RBMS3: variants seen among roughly 807,000 people sequenced by gnomAD.
RBMS3 encodes RNA-binding motif, single-stranded-interacting protein 3.
Under a neutral mutation model 66.8 loss-of-function variants are expected in RBMS3, and 27 were observed. The ratio of observed to expected loss-of-function variants is 0.40; its 90% confidence interval spans 0.30 to 0.56. The LOEUF (loss-of-function observed/expected upper bound fraction) is 0.56. Among genes scored for constraint, RBMS3 ranks in the 20% least tolerant of loss-of-function variants. The pLI, the probability that RBMS3 is intolerant of heterozygous loss-of-function variation, is 0.40. For missense variants in RBMS3, 513 were observed against 549.5 expected, an observed-to-expected ratio of 0.93 and a Z score of 0.66; for synonymous variants, 188 against 183.0, an observed-to-expected ratio of 1.03 and a Z score of -0.22.
At chr3:29,303,898 C>T (rs201865262) in intron 1 of RBMS3, among the ~76,000 whole-genome samples, 1 of 151,964 alleles carries the variant, frequency 6.6e-6, no homozygotes, top group Non-Finnish European at 1.5e-5. Flanking sequence ...GCACTTCTTA[C>T]ATGGCGGTGG....
chr3:29,492,600 G>A (rs2043591246), intron 3 of RBMS3, among the ~76,000 whole-genome samples: 1 of 152,094 alleles, frequency 6.6e-6, no homozygotes, highest in East Asian at 1.9e-4. Flanking sequence ...ATGAAGACTA[G>A]TTGGTTATAA....
intron 2 of RBMS3, among the ~76,000 whole-genome samples, chr3:29,480,108 A>C (rs2043079951): frequency 6.6e-6 from 1 of 152,250 alleles, no homozygotes; most frequent in Non-Finnish European, 1.5e-5. Context: ...TTCAGGACTG[A>C]GGATTGAGGG....
chr3:29,772,188 C>A (rs1026159823), intron 6 of RBMS3, among the ~76,000 whole-genome samples: 1 of 151,960 alleles, frequency 6.6e-6, no homozygotes, highest in Non-Finnish European at 1.5e-5. Flanking sequence ...CCTAGAGCCT[C>A]CAGAAATAAA....
intron 2 of RBMS3, among the ~76,000 whole-genome samples, chr3:29,483,679 T>G (rs2043222246): frequency 6.6e-6 from 1 of 152,192 alleles, no homozygotes; most frequent in Non-Finnish European, 1.5e-5. Flanking sequence ...AATAGAAATT[T>G]GCTAAGTAGT....
rs75414861 is a variant in RBMS3, at chr3:29,666,846, C to T, written c.400-72874C>T. Among the ~76,000 whole-genome samples the T allele has an allele frequency of 8.9e-3, 1,355 of 152,144 alleles. 36 individuals carry two copies. Among genetic ancestry groups the T allele is most frequent in the African/African-American group, 0.031 (1,267 of 41,502 alleles). On this transcript the variant is annotated intron_variant, in intron 4 of 14. Coordinates refer to ENST00000383767, the MANE Select transcript of RBMS3 (RefSeq NM_001003793.3). ...TATACAAATGGGAATGAGCTTATCA[C>T]AGTTGTTAATGAGTAGCCTTCAATT...
chr3:29,507,083 T>C (rs1553613117), intron 3 of RBMS3, among the ~76,000 whole-genome samples: 2 of 150,252 alleles, frequency 1.3e-5, no homozygotes, highest in South Asian at 4.3e-4. Flanking sequence ...TTATTTCTGC[T>C]CTGATCTTTG....
rs142859086 is a variant in RBMS3, at chr3:29,540,296, G to A, written c.308-46818G>A. On this transcript the variant is annotated intron_variant, in intron 3 of 14. Transcript: ENST00000383767. Reference sequence around the variant, plus strand: ...ACTGTATACTTCCCTGATATATTATGACAACAGAATTTTTTATTTTTAAAA... The same window carrying A: ...ACTGTATACTTCCCTGATATATTATAACAACAGAATTTTTTATTTTTAAAA... Among the ~76,000 whole-genome samples, 57 of 152,228 alleles carry A rather than the reference G, an allele frequency of 3.7e-4. 1 individual carries two copies. The highest frequency in any genetic ancestry group is 5.9e-4 in the Admixed American group (9 of 15,292).
intron 3 of RBMS3, among the ~76,000 whole-genome samples, chr3:29,582,964 T>C (rs1389494854): frequency 6.6e-6 from 1 of 152,172 alleles, no homozygotes; most frequent in Non-Finnish European, 1.5e-5. Context: ...ACACATAATT[T>C]GGTGAGATAT....
At chr3:29,982,996 T>C (rs1208688263) in intron 12 of RBMS3, among the ~76,000 whole-genome samples, 1 of 152,310 alleles carries the variant, frequency 6.6e-6, no homozygotes, top group East Asian at 1.9e-4. Flanking sequence ...TGTCTAATAT[T>C]GACAGTGGAG....
At chr3:29,446,403 T>C (rs1369068885) in intron 2 of RBMS3, among the ~76,000 whole-genome samples, 2 of 152,168 alleles carry the variant, frequency 1.3e-5, no homozygotes, top group African/African-American at 2.4e-5. Flanking sequence ...GATTTTTATA[T>C]TCCTATCTTA....
intron 10 of RBMS3, among the ~76,000 whole-genome samples, chr3:29,934,646 GTA>G (rs1164841291): frequency 6.6e-6 from 1 of 152,130 alleles, no homozygotes; most frequent in African/African-American, 2.4e-5. Flanking sequence ...GCACAATTGT[GTA>G]TATTTACAAG....
At chr3:29,835,218 C>T (rs1018154930) in intron 6 of RBMS3, among the ~76,000 whole-genome samples, 2 of 151,996 alleles carry the variant, frequency 1.3e-5, no homozygotes, top group African/African-American at 2.4e-5. Context: ...CTCTCAATAA[C>T]GAATAGATCG....
chr3:29,557,572 G>A (rs2046406782), intron 3 of RBMS3, among the ~76,000 whole-genome samples: 1 of 152,212 alleles, frequency 6.6e-6, no homozygotes, highest in Non-Finnish European at 1.5e-5. Context: ...ATGCAGAGCA[G>A]AGGCTACAAG....
chr3:29,456,028 G>A (rs541136631), intron 2 of RBMS3, among the ~76,000 whole-genome samples: 26 of 152,232 alleles, frequency 1.7e-4, no homozygotes, highest in African/African-American at 6.0e-4. Flanking sequence ...ACAAATAAAT[G>A]TTAGCAAGTA....
At chr3:29,926,834 T>C (rs746585048) in intron 10 of RBMS3, 8 of 152,200 alleles carry the variant, frequency 5.3e-5, no homozygotes, top group Non-Finnish European at 7.3e-5. Flanking sequence ...TTTGGAGGTA[T>C]ACAAAGTGAT....
intron 10 of RBMS3, among the ~76,000 whole-genome samples, chr3:29,923,935 T>C (rs995246454): frequency 1.1e-4 from 17 of 152,228 alleles, no homozygotes; most frequent in African/African-American, 3.1e-4. Context: ...GTAATTATAA[T>C]AGTTTGGTTT....
rs1191226611 is a variant in RBMS3, at chr3:29,771,626, A to G, written c.637+8637A>G. On this transcript the variant is annotated intron_variant, in intron 6 of 14. Coordinates refer to ENST00000383767, the MANE Select transcript of RBMS3 (RefSeq NM_001003793.3). ...CTTAAAATAGGAAAATTATTGTGTT[A>G]GTTTGTTCTCGCATTGATATAAAGA... Among the ~76,000 whole-genome samples, 6 of 152,012 alleles carry G rather than the reference A, an allele frequency of 3.9e-5. No homozygotes were observed. The East Asian group carries it at 9.7e-4, about 25-fold the overall frequency.
intron 4 of RBMS3, among the ~76,000 whole-genome samples, chr3:29,720,696 C>CTG (rs201802434): frequency 0.02 from 2,967 of 147,566 alleles, 80 homozygotes; most frequent in African/African-American, 0.059. Context: ...CTGTAAGAAT[C>CTG]TGTGTGTGTG....
chr3:29,530,109 C>T (rs1448395108), intron 3 of RBMS3, among the ~76,000 whole-genome samples: 1 of 152,144 alleles, frequency 6.6e-6, no homozygotes, highest in East Asian at 1.9e-4. Flanking sequence ...TGTTCTTACA[C>T]CTCAAAAGCC....
Sources: allele counts gnomAD v4.1 joint callset (sites outside exome capture counted in the v4.1 genomes callset), GRCh38; gene constraint gnomAD v4.1.1; transcripts MANE v1.5; gene names NCBI Gene and HGNC (gene_info 2026-07-23, HGNC 2026-07-21).